LIN9: variants seen among roughly 807,000 people sequenced by gnomAD.
LIN9 encodes lin-9 DREAM MuvB core complex component, also known as protein lin-9 homolog.
LIN9 carries 18 observed loss-of-function variants against 78.0 expected under a neutral mutation model. The ratio of observed to expected loss-of-function variants is 0.23; its 90% CI spans 0.16 to 0.34. The LOEUF is 0.34. Among genes scored for constraint, LIN9 ranks in the 10% least tolerant of loss-of-function variants. LIN9 has a pLI of 1.00. For missense variants in LIN9, 451 were observed against 644.1 expected (o/e 0.70, Z 3.25); for synonymous variants, 192 against 215.2 (o/e 0.89, Z 0.94).
intron 2 of LIN9, among the ~76,000 whole-genome samples, chr1:226,299,575 A>T (rs1228068112): frequency 6.6e-6 from 1 of 151,990 alleles, no homozygotes; most frequent in African/African-American, 2.4e-5. Context: ...ATAATGGAAT[A>T]ATTTTTAAGA....
At chr1:226,306,933 C>G (rs1662958070) in intron 1 of LIN9, among the ~76,000 whole-genome samples, 1 of 152,140 alleles carries the variant, frequency 6.6e-6, no homozygotes, top group Non-Finnish European at 1.5e-5. Context: ...CTGGTTTCAA[C>G]AAAGCTGAAG....
intron 10 of LIN9, among the ~76,000 whole-genome samples, chr1:226,251,314 G>A (rs879428585): frequency 1.0e-4 from 15 of 149,614 alleles, no homozygotes; most frequent in Non-Finnish European, 2.1e-4. Context: ...GGCAACCTCC[G>A]CCTCCCAGGC....
In LIN9 at chr1:226,289,254, G is replaced by GA. The variant is rs1229431674; in HGVS notation, c.265-1458dup. On this transcript the variant is annotated intron_variant, in intron 4 of 14. Transcript: ENST00000681046. ...CATGTCAAAAAAAAAGAAAGAAAAGGAAAAAAATCTCAAAAAAAGAATATG... is the reference window on the plus strand; with the variant it reads ...CATGTCAAAAAAAAAGAAAGAAAAGGAAAAAAAATCTCAAAAAAAGAATATG... 4.6e-5 allele frequency among the ~76,000 whole-genome samples: 7 copies of GA among 151,490 alleles called. No homozygotes were observed. The South Asian group carries it at 1.0e-3, about 23-fold the overall frequency.
At chr1:226,285,311 C>T (rs1661325194) in intron 6 of LIN9, among the ~76,000 whole-genome samples, 1 of 152,070 alleles carries the variant, frequency 6.6e-6, no homozygotes, top group Non-Finnish European at 1.5e-5. Context: ...GTATGAAACA[C>T]ACTAAATAAC....
intron 3 of LIN9, 36 bp downstream of exon 3, chr1:226,297,683 A>G: frequency 7.2e-7 from 1 of 1,385,654 alleles, no homozygotes; most frequent in Non-Finnish European, 9.9e-7. Flanking sequence ...ACTTAGCTAG[A>G]ATTATTCTAA....
chr1:226,250,116 G>A (rs1309915411), intron 11 of LIN9, among the ~76,000 whole-genome samples: 1 of 151,352 alleles, frequency 6.6e-6, no homozygotes, highest in Non-Finnish European at 1.5e-5. Flanking sequence ...GTTGCAGTGA[G>A]CCGAGATTGC....
chr1:226,274,680 TCCTA>T (rs1660523053), intron 7 of LIN9, among the ~76,000 whole-genome samples: 1 of 152,014 alleles, frequency 6.6e-6, no homozygotes. Flanking sequence ...TTCATTTTTT[TCCTA>T]CCTGTTTTCA....
chr1:226,297,760 G>A lies in LIN9; in HGVS notation c.118C>T (p.Pro40Ser). ...NEKYSSLQKT[P>S]VWKGRNTSSA... Reference sequence around the variant, plus strand: ...CTTGTATTCCTGCCTTTCCAAACAGGTGTTTTCTGTAAAGAACTGTACTTT... The same window carrying A: ...CTTGTATTCCTGCCTTTCCAAACAGATGTTTTCTGTAAAGAACTGTACTTT... The change falls in exon 3 of 15, where the codon CCT (proline) becomes TCT (serine). Residue 40 changes from proline to serine, a missense_variant. Physicochemically the swap from Pro to Ser is moderately conservative, Grantham distance 74. Transcript: ENST00000681046. 1.3e-6 allele frequency: 2 copies of A among 1,594,972 alleles called. No individual in the cohort carries two copies. The highest frequency in any genetic ancestry group is 1.7e-6 in the Non-Finnish European group (2 of 1,172,430).
intron 4 of LIN9, among the ~76,000 whole-genome samples, chr1:226,295,231 C>G (rs1662065285): frequency 6.6e-6 from 1 of 151,730 alleles, no homozygotes; most frequent in Admixed American, 6.6e-5. Context: ...GGGTAGATCA[C>G]TTGAGGTCAG....
rs752135604 is a variant in LIN9 at position 226,287,813 on chromosome 1, AAG to A, written c.265-18_265-17del. 5.1e-5 allele frequency: 78 copies of A among 1,522,050 alleles called. No individual in the cohort carries two copies. The highest frequency in any genetic ancestry group is 6.3e-5 in the Non-Finnish European group (72 of 1,140,808). The allele number at this position is 1,522,050 out of a possible 1,614,324, so 94.3% of individuals were successfully genotyped here. A position where few individuals can be genotyped will look rare whatever the true frequency, so the allele number is the denominator to read the frequency against. On this transcript the variant is annotated splice_polypyrimidine_tract_variant and intron_variant, in intron 4 of 14. Transcript: ENST00000681046. ...CTGTAAATTTCTATACAATAAAAAA[AAG>A]AGATTAATTTATGGCTCCATTAAGT... is the stretch of plus-strand genomic sequence containing the variant.
intron 4 of LIN9, among the ~76,000 whole-genome samples, chr1:226,294,888 C>A (rs1017148066): frequency 5.9e-5 from 9 of 151,622 alleles, no homozygotes; most frequent in African/African-American, 2.2e-4. Flanking sequence ...CAACCTCAGC[C>A]TCCTGGGTTC....
At chr1:226,273,256 A>ATTTT (rs34679926) in intron 7 of LIN9, among the ~76,000 whole-genome samples, 40 of 87,242 alleles carry the variant, frequency 4.6e-4, no homozygotes, top group South Asian at 6.9e-4. Flanking sequence ...TAATTAGGTA[A>ATTTT]TTTTTTTTTT....
chr1:226,258,683 G>A (rs1238471971), intron 10 of LIN9, among the ~76,000 whole-genome samples: 1 of 151,424 alleles, frequency 6.6e-6, no homozygotes. Flanking sequence ...AAGGTCAGGA[G>A]ATCGAGACTG....
chr1:226,286,959 T>C (rs922180990), intron 5 of LIN9, among the ~76,000 whole-genome samples: 4 of 152,176 alleles, frequency 2.6e-5, no homozygotes, highest in South Asian at 2.1e-4. Flanking sequence ...ATTCTATTCA[T>C]GAGTCTGGGA....
Position 226,287,708 on chromosome 1 carries a change from T to C in LIN9, c.354A>G (p.Ala118=), listed in dbSNP as rs373608172. ...ACCACTCGTATATACACCATTTATG[T>C]GCTTTAGGAAGCTTGAGCAGATTAC... is the stretch of plus-strand genomic sequence containing the variant. ...RLRNLLKLPK[A]HKWCIYEWFY... Residue 118 remains alanine, a synonymous_variant, in exon 5 of 15, where the codon GCA becomes GCG. Coordinates refer to ENST00000681046, the MANE Select transcript of LIN9 (RefSeq NM_001366245.2). The C allele has an allele frequency of 6.4e-7, 1 of 1,555,802 alleles. No homozygotes were observed. The highest frequency in any genetic ancestry group is 8.6e-7 in the Non-Finnish European group (1 of 1,160,114).
intron 11 of LIN9, among the ~76,000 whole-genome samples, chr1:226,250,283 A>T (rs1472300928): frequency 6.6e-6 from 1 of 152,186 alleles, no homozygotes. Context: ...TAACCTAAAG[A>T]TGACAACATA....
intron 3 of LIN9, among the ~76,000 whole-genome samples, chr1:226,296,869 T>G (rs951333723): frequency 2.6e-5 from 4 of 151,610 alleles, no homozygotes; most frequent in Non-Finnish European, 5.9e-5. Flanking sequence ...AAAAAAAAAT[T>G]TTTTATTAGC....
In LIN9 at chr1:226,269,341, T is replaced by C. The variant is rs115130963; in HGVS notation, c.683-1251A>G. ...GAAGCTGAGTAAACAAATATAAGCA[T>C]AGAAAAGGACTACTAGTTATGGTGG... On this transcript the variant is annotated intron_variant, in intron 7 of 14. Coordinates refer to ENST00000681046, the MANE Select transcript of LIN9 (RefSeq NM_001366245.2). 7.2e-3 allele frequency among the ~76,000 whole-genome samples: 1,093 copies of C among 152,164 alleles called. 23 individuals are homozygous for C. The highest frequency in any genetic ancestry group is 5.3e-3 in the Non-Finnish European group (361 of 67,994).
chr1:226,307,957 C>T (rs1053868130), intron 1 of LIN9, among the ~76,000 whole-genome samples: 3 of 152,150 alleles, frequency 2.0e-5, no homozygotes, highest in Non-Finnish European at 2.9e-5. Flanking sequence ...ACTTTTAATA[C>T]GACTTTTCAC....
Sources: allele counts gnomAD v4.1 joint callset (sites outside exome capture counted in the v4.1 genomes callset), GRCh38; gene constraint gnomAD v4.1.1; transcripts MANE v1.5; gene names NCBI Gene and HGNC (gene_info 2026-07-23, HGNC 2026-07-21).